TIMM23B: variants seen among roughly 807,000 people sequenced by gnomAD.
TIMM23B encodes the protein translocase of inner mitochondrial membrane 23 homolog B, also known as mitochondrial import inner membrane translocase subunit Tim23B.
In TIMM23B, 27 loss-of-function variants were observed where a neutral mutation model predicts 27.3. The observed-to-expected ratio is 0.99, with a 90% CI of 0.73 to 1.36. The LOEUF is 1.36. Ranked by LOEUF, TIMM23B falls within the 40% of genes most tolerant of loss-of-function variation. The pLI is 0.00. For synonymous variants in TIMM23B, 73 were observed against 92.4 expected, an observed-to-expected ratio of 0.79 and a Z score of 1.21; for missense variants, 205 against 244.2, an observed-to-expected ratio of 0.84 and a Z score of 1.07.
In TIMM23B at chr10:49,973,556, A is replaced by C. The variant is rs553305427; in HGVS notation, c.*492A>C. ...GCTGGGCATGGTGGCTCATTCCTATAGTTCAGGCTACTGAGGAGCCTGATG... is the reference window on the plus strand; with the variant it reads ...GCTGGGCATGGTGGCTCATTCCTATCGTTCAGGCTACTGAGGAGCCTGATG... On this transcript the variant is annotated 3_prime_UTR_variant, in exon 7 of 7. Coordinates refer to ENST00000651259, the MANE Select transcript of TIMM23B (RefSeq NM_001290117.2). 2.5e-3 allele frequency: 387 copies of C among 155,802 alleles called. 4 individuals carry two copies. Among genetic ancestry groups the C allele is most frequent in the Non-Finnish European group, 3.7e-3 (260 of 70,702 alleles). The allele number at this position is 155,802 out of a possible 1,614,324, so 9.7% of individuals were successfully genotyped here.
At chr10:49,949,264 C>T (rs1295028013) in intron 2 of TIMM23B, among the ~76,000 whole-genome samples, 2 of 143,810 alleles carry the variant, frequency 1.4e-5, no homozygotes, top group African/African-American at 5.2e-5. Context: ...GAATCACTAA[C>T]GGCATCTGAC....
intron 6 of TIMM23B, among the ~76,000 whole-genome samples, chr10:49,963,965 G>A (rs1431258458): frequency 1.3e-5 from 2 of 152,100 alleles, no homozygotes. Flanking sequence ...CCTCTGGCTC[G>A]AAATGACATG....
intron 2 of TIMM23B, among the ~76,000 whole-genome samples, chr10:49,949,052 T>G (rs1159881675): frequency 1.3e-5 from 2 of 151,936 alleles, no homozygotes; most frequent in Non-Finnish European, 2.9e-5. Flanking sequence ...CATGCCTGGC[T>G]AATTCTTTTT....
At chr10:49,969,929 T>G (rs1840348902) in intron 6 of TIMM23B, 2 of 162,430 alleles carry the variant, frequency 1.2e-5, no homozygotes, top group African/African-American at 4.8e-5. Flanking sequence ...TGCCTGCGAT[T>G]GCAGGTGCAC....
rs1416499907 is a variant in TIMM23B at position 49,968,904 on chromosome 10, G to A, written c.515-4108G>A. Among the ~76,000 whole-genome samples the A allele has an allele frequency of 8.5e-5, 13 of 152,250 alleles. No individual in the cohort carries two copies. The East Asian group carries it at 9.6e-4, about 11-fold the overall frequency. On this transcript the variant is annotated intron_variant, in intron 6 of 6. Transcript: ENST00000651259. Reference sequence around the variant, plus strand: ...CTGTATGACCTTTTGAAAAAGGTCCGCCTAATACCTTGCTCATCTATAAAA... The same window carrying A: ...CTGTATGACCTTTTGAAAAAGGTCCACCTAATACCTTGCTCATCTATAAAA...
At chr10:49,948,430 G>A (rs1839420527) in intron 2 of TIMM23B, among the ~76,000 whole-genome samples, 1 of 151,994 alleles carries the variant, frequency 6.6e-6, no homozygotes, top group African/African-American at 2.4e-5. Context: ...GTTGCTAGTA[G>A]CATTATTCAT....
At position 49,952,214 on chromosome 10, in the gene TIMM23B, T is replaced by C; in HGVS notation, c.254T>C (p.Met85Thr). Residue 85 changes from methionine to threonine, a missense_variant, in exon 3 of 7, where the codon ATG becomes ACG. Physicochemically the swap from Met to Thr is moderately conservative, Grantham distance 81. Transcript: ENST00000651259. Reference protein sequence around the residue: ...LAFFTIGGCCMTGAAFGAMNG... With the variant: ...LAFFTIGGCCTTGAAFGAMNG... ...TTCTTTACGATTGGAGGGTGTTGCA[T>C]GACAGGTGAGTGTTACATACTTTTT... 6.2e-7 allele frequency: 1 copy of C among 1,605,998 alleles called. No homozygotes were observed. The highest frequency in any genetic ancestry group is 8.5e-7 in the Non-Finnish European group (1 of 1,172,614).
At chr10:49,967,616 G>C (rs1171274489) in intron 6 of TIMM23B, among the ~76,000 whole-genome samples, 1 of 151,554 alleles carries the variant, frequency 6.6e-6, no homozygotes, top group Non-Finnish European at 1.5e-5. Flanking sequence ...GAATTAATGA[G>C]TATTCTTTTT....
chr10:49,953,230 T>C (rs1839599515), intron 4 of TIMM23B, among the ~76,000 whole-genome samples: 1 of 151,818 alleles, frequency 6.6e-6, no homozygotes, highest in African/African-American at 2.4e-5. Context: ...TATTCTTCGA[T>C]GGCTACTGTT....
At position 49,952,442 on chromosome 10, in the gene TIMM23B, T is replaced by C. The variant is rs2133064345; in HGVS notation, c.260-7T>C. ...TCTTATCTGGGTGAATTTTTATGAT[T>C]TACCAGGGGCTGCGTTTGGGGCAAT... On this transcript the variant is annotated splice_region_variant and splice_polypyrimidine_tract_variant and intron_variant, in intron 3 of 6. Transcript: ENST00000651259. 1 of 1,613,050 alleles carries C rather than the reference T, an allele frequency of 6.2e-7. No homozygotes were observed. Among genetic ancestry groups the C allele is most frequent in the African/African-American group, 1.3e-5 (1 of 74,962 alleles).
chr10:49,947,267 A>C (rs1159730536), intron 2 of TIMM23B, among the ~76,000 whole-genome samples: 1 of 152,214 alleles, frequency 6.6e-6, no homozygotes, highest in Non-Finnish European at 1.5e-5. Context: ...AAAGTTGATA[A>C]ATTGTATTTA....
At chr10:49,960,224 T>TTTC (rs1445547508) in intron 6 of TIMM23B, among the ~76,000 whole-genome samples, 1 of 151,452 alleles carries the variant, frequency 6.6e-6, no homozygotes, top group Non-Finnish European at 1.5e-5. Flanking sequence ...TTTTTTTTTT[T>TTTC]TTCTTTTTCG....
chr10:49,958,273 T>A, intron 5 of TIMM23B, 97 bp from the exon 6 acceptor site: 1 of 774,594 alleles, frequency 1.3e-6, no homozygotes, highest in Non-Finnish European at 2.3e-6. Context: ...CTATGGGAGT[T>A]ATGAGCTAGG....
At chr10:49,965,968 G>T (rs1554855372) in intron 6 of TIMM23B, among the ~76,000 whole-genome samples, 2 of 148,334 alleles carry the variant, frequency 1.3e-5, no homozygotes, top group Non-Finnish European at 1.5e-5. Flanking sequence ...ATAATGAAAT[G>T]CTGGGTGAAA....
At chr10:49,963,998 A>T (rs1233176405) in intron 6 of TIMM23B, among the ~76,000 whole-genome samples, 1 of 152,022 alleles carries the variant, frequency 6.6e-6, no homozygotes, top group Non-Finnish European at 1.5e-5. Flanking sequence ...GAAATGAAAT[A>T]ATGAAATGAA....
chr10:49,958,097 G>T (rs1839785165), intron 5 of TIMM23B, among the ~76,000 whole-genome samples: 1 of 152,150 alleles, frequency 6.6e-6, no homozygotes, highest in South Asian at 2.1e-4. Flanking sequence ...GGCAGGAGAA[G>T]GTCACAGAGA....
intron 6 of TIMM23B, among the ~76,000 whole-genome samples, chr10:49,964,599 A>G (rs575016997): frequency 3.3e-5 from 5 of 151,304 alleles, no homozygotes; most frequent in African/African-American, 1.2e-4. Context: ...TGAATAATGA[A>G]ATGCCGGGTG....
chr10:49,953,227 C>T (rs1256065419), intron 4 of TIMM23B, among the ~76,000 whole-genome samples: 12 of 151,734 alleles, frequency 7.9e-5, no homozygotes, highest in African/African-American at 2.4e-4. Context: ...ATGTATTCTT[C>T]GATGGCTACT....
intron 6 of TIMM23B, among the ~76,000 whole-genome samples, chr10:49,958,977 G>A (rs1839812323): frequency 6.6e-6 from 1 of 152,180 alleles, no homozygotes; most frequent in African/African-American, 2.4e-5. Flanking sequence ...TTCTGTGTAT[G>A]TGTACCACAT....
Sources: gnomAD v4.1 joint callset for allele counts (sites outside exome capture counted in the v4.1 genomes callset) on GRCh38, gnomAD v4.1.1 for gene constraint, MANE v1.5 for transcripts, NCBI Gene and HGNC (gene_info 2026-07-23, HGNC 2026-07-21) for gene names.